Variants in KCNH5 observed in about 807,000 individuals in gnomAD.
KCNH5 encodes voltage-gated delayed rectifier potassium channel KCNH5.
Under a neutral mutation model 96.1 loss-of-function variants are expected in KCNH5, and 46 were observed. The ratio of observed to expected loss-of-function variants is 0.48; its 90% CI spans 0.38 to 0.61. The LOEUF (loss-of-function observed/expected upper bound fraction) is 0.61. KCNH5 is among the 20% of genes least tolerant of loss of function. The pLI, the probability that KCNH5 is intolerant of heterozygous loss-of-function variation, is 0.00. For missense variants in KCNH5, 907 were observed against 1,225.8 expected (o/e 0.74, Z 3.88); for synonymous variants, 439 against 449.8 (o/e 0.98, Z 0.30).
intron 4 of KCNH5, among the ~76,000 whole-genome samples, chr14:62,996,882 T>G (rs1028282245): frequency 6.6e-6 from 1 of 152,218 alleles, no homozygotes; most frequent in East Asian, 1.9e-4. Flanking sequence ...TACATACTTT[T>G]TTGAGAGGAA....
intron 8 of KCNH5, among the ~76,000 whole-genome samples, chr14:62,837,554 T>G (rs1466384777): frequency 6.6e-6 from 1 of 152,214 alleles, no homozygotes; most frequent in Non-Finnish European, 1.5e-5. Context: ...TAAGCCATCA[T>G]TAAATCAAAA....
intron 10 of KCNH5, among the ~76,000 whole-genome samples, chr14:62,754,506 A>G (rs1885575483): frequency 6.6e-6 from 1 of 152,060 alleles, no homozygotes; most frequent in African/African-American, 2.4e-5. Context: ...CCTATAAGAA[A>G]CATATTTCAC....
chr14:62,993,061 T>TG (rs1281914083), intron 4 of KCNH5, among the ~76,000 whole-genome samples: 1 of 152,122 alleles, frequency 6.6e-6, no homozygotes. Context: ...CACCAGTTAT[T>TG]GAAAAAGGTC....
At chr14:62,797,806 C>T (rs533425209) in intron 9 of KCNH5, among the ~76,000 whole-genome samples, 20 of 151,974 alleles carry the variant, frequency 1.3e-4, no homozygotes, top group Non-Finnish European at 2.2e-4. Context: ...ACCTCAGCCT[C>T]CTGGGTTCAA....
chr14:62,794,483 T>C (rs1375697270), intron 9 of KCNH5, among the ~76,000 whole-genome samples: 1 of 151,932 alleles, frequency 6.6e-6, no homozygotes, highest in Non-Finnish European at 1.5e-5. Context: ...TTACTAGCTG[T>C]GACCCAGGGA....
At chr14:62,837,830 A>G (rs1315160504) in intron 8 of KCNH5, among the ~76,000 whole-genome samples, 2 of 152,180 alleles carry the variant, frequency 1.3e-5, no homozygotes, top group Non-Finnish European at 2.9e-5. Flanking sequence ...ACCAAATAAT[A>G]ACTACCAGAT....
intron 7 of KCNH5, among the ~76,000 whole-genome samples, chr14:62,872,736 C>A (rs1175872942): frequency 1.3e-4 from 19 of 151,886 alleles, no homozygotes; most frequent in Admixed American, 1.2e-3. Context: ...TGTATAAGGG[C>A]ACTGAATGAA....
At chr14:62,755,807 G>T (rs1437448946) in intron 10 of KCNH5, among the ~76,000 whole-genome samples, 2 of 152,068 alleles carry the variant, frequency 1.3e-5, no homozygotes, top group African/African-American at 4.8e-5. Flanking sequence ...TTCAACATTT[G>T]CAAATCAATC....
At chr14:62,906,697 G>T (rs577321805) in intron 7 of KCNH5, among the ~76,000 whole-genome samples, 1 of 152,178 alleles carries the variant, frequency 6.6e-6, no homozygotes, top group Non-Finnish European at 1.5e-5. Flanking sequence ...GGGTTATATT[G>T]TTTACTCACC....
chr14:62,775,977 A>G (rs1886086638), intron 10 of KCNH5, among the ~76,000 whole-genome samples: 1 of 152,170 alleles, frequency 6.6e-6, no homozygotes, highest in African/African-American at 2.4e-5. Context: ...TAGAAGAGGT[A>G]ATAAAGTTGG....
At chr14:62,727,700 C>A (rs1261690670) in intron 10 of KCNH5, among the ~76,000 whole-genome samples, 2 of 150,904 alleles carry the variant, frequency 1.3e-5, no homozygotes, top group African/African-American at 4.9e-5. Context: ...TTTATAGGAG[C>A]CCCTAATCAC....
At chr14:62,710,702 A>G (rs1200623328) in intron 10 of KCNH5, among the ~76,000 whole-genome samples, 1 of 152,090 alleles carries the variant, frequency 6.6e-6, no homozygotes, top group Non-Finnish European at 1.5e-5. Flanking sequence ...AACTGAGAGC[A>G]GCCTTCACAT....
At position 62,708,230 on chromosome 14, in the gene KCNH5, C is replaced by T. The variant is rs758320399; in HGVS notation, c.2245G>A (p.Gly749Arg). The T allele has an allele frequency of 1.1e-5, 17 of 1,614,182 alleles. No homozygotes were observed. The highest frequency in any genetic ancestry group is 6.7e-5 in the East Asian group (3 of 44,872). Residue 749 changes from glycine to arginine, a missense_variant, in exon 11 of 11, where the codon GGA (glycine) becomes AGA (arginine). This residue lies in a region of KCNH5 where 362 missense variants were observed against 394.4 expected (regional missense o/e 0.92). Coordinates refer to ENST00000322893, the MANE Select transcript of KCNH5 (RefSeq NM_139318.5). ...TGTGACACAGTCACCACGCTGGTTC[C>T]GGTGATGGAGGCTCCATTCTGTAAG... ...RSLQNGASIT[G>R]TSVVTVSQIT...
intron 2 of KCNH5, among the ~76,000 whole-genome samples, chr14:63,011,265 CT>C (rs1372118111): frequency 6.6e-5 from 10 of 152,162 alleles, no homozygotes; most frequent in Non-Finnish European, 1.2e-4. Context: ...GGCAGATCAC[CT>C]TAAGTCAGGA....
At chr14:62,737,669 T>C (rs1385009627) in intron 10 of KCNH5, among the ~76,000 whole-genome samples, 3 of 152,112 alleles carry the variant, frequency 2.0e-5, no homozygotes, top group Non-Finnish European at 2.9e-5. Context: ...AGGTAAGTAA[T>C]AAAACATGAT....
At chr14:63,031,098 C>T (rs917348747) in intron 1 of KCNH5, among the ~76,000 whole-genome samples, 2 of 151,438 alleles carry the variant, frequency 1.3e-5, no homozygotes, top group African/African-American at 2.4e-5. Flanking sequence ...ATTAAAGACT[C>T]ATCCAATATA....
At chr14:62,951,962 C>CAAA (rs36114434) in intron 6 of KCNH5, among the ~76,000 whole-genome samples, 137 of 105,158 alleles carry the variant, frequency 1.3e-3, no homozygotes, top group African/African-American at 2.7e-3. Flanking sequence ...GACTCCGTCT[C>CAAA]AAAAAAAAAA....
intron 7 of KCNH5, among the ~76,000 whole-genome samples, chr14:62,921,230 G>C (rs992353446): frequency 6.6e-6 from 1 of 151,994 alleles, no homozygotes; most frequent in Non-Finnish European, 1.5e-5. Flanking sequence ...GGGAGGCTTC[G>C]TTTTTCACTC....
In KCNH5 at chr14:62,902,308, G is replaced by A. The variant is rs530726725; in HGVS notation, c.1369+47825C>T. 6.1e-5 allele frequency among the ~76,000 whole-genome samples: 9 copies of A among 148,700 alleles called. 1 individual carries two copies. In the South Asian group the frequency reaches 1.9e-3, roughly 31 times the overall value. On this transcript the variant is annotated intron_variant, in intron 7 of 10. Coordinates refer to ENST00000322893, the MANE Select transcript of KCNH5 (RefSeq NM_139318.5). ...TTCCAAGGCTGATGACTAGAATGGT[G>A]TTTCCTAGTTTTTTTTTTTCTAGGA...
Sources: allele counts gnomAD v4.1 joint callset (sites outside exome capture counted in the v4.1 genomes callset), GRCh38; gene constraint gnomAD v4.1.1; regional missense constraint gnomAD v4.1.1; transcripts MANE v1.5; gene names NCBI Gene and HGNC (gene_info 2026-07-23, HGNC 2026-07-21).